The following SEMA6D variants were observed in gnomAD, a reference collection of about 807,000 sequenced individuals.
The protein encoded by SEMA6D is semaphorin 6D, also known as semaphorin-6D.
A neutral mutation model predicts 106.6 loss-of-function variants in SEMA6D; 35 were observed. That is an observed-to-expected ratio of 0.33 (90% CI 0.25 to 0.44). The LOEUF is 0.44. Ranked by LOEUF, SEMA6D falls within the 20% of genes least tolerant of loss-of-function variation. The pLI, the probability that SEMA6D is intolerant of heterozygous loss-of-function variation, is 1.00. For synonymous variants in SEMA6D, 499 were observed against 487.7 expected (o/e 1.02, Z -0.31); for missense variants, 1,185 against 1,345.9 (o/e 0.88, Z 1.87).
chr15:47,592,841 A>G (rs2076464137), intron 3 of SEMA6D, among the ~76,000 whole-genome samples: 2 of 152,212 alleles, frequency 1.3e-5, no homozygotes, highest in Non-Finnish European at 2.9e-5. Flanking sequence ...TGCTTTGCTC[A>G]TTATGAAAAG....
chr15:47,698,404 C>T (rs1211100182), intron 4 of SEMA6D, among the ~76,000 whole-genome samples: 1 of 152,160 alleles, frequency 6.6e-6, no homozygotes, highest in African/African-American at 2.4e-5. Context: ...GCTGCTACTG[C>T]AAAACCTCTG....
At chr15:47,594,538 T>C (rs1354074204) in intron 3 of SEMA6D, among the ~76,000 whole-genome samples, 1 of 152,202 alleles carries the variant, frequency 6.6e-6, no homozygotes, top group Non-Finnish European at 1.5e-5. Flanking sequence ...ACAGCCATTA[T>C]TGGGTACCCA....
At chr15:47,438,692 C>A (rs2041795617) in intron 2 of SEMA6D, among the ~76,000 whole-genome samples, 1 of 151,810 alleles carries the variant, frequency 6.6e-6, no homozygotes, top group South Asian at 2.1e-4. Context: ...TCAGATATCA[C>A]CCTAATGGGC....
chr15:47,497,011 C>G (rs1387299157), intron 3 of SEMA6D, among the ~76,000 whole-genome samples: 1 of 152,082 alleles, frequency 6.6e-6, no homozygotes, highest in African/African-American at 2.4e-5. Context: ...TTAAATACTC[C>G]ATTGTCTCAC....
intron 3 of SEMA6D, among the ~76,000 whole-genome samples, chr15:47,536,639 C>T (rs894608911): frequency 6.6e-6 from 1 of 152,050 alleles, no homozygotes; most frequent in African/African-American, 2.4e-5. Context: ...TTGTCTTTTC[C>T]AGGGTAAATA....
At chr15:47,456,630 GA>G (rs916437271) in intron 2 of SEMA6D, among the ~76,000 whole-genome samples, 48 of 151,920 alleles carry the variant, frequency 3.2e-4, no homozygotes, top group African/African-American at 1.2e-3. Flanking sequence ...AACAAGTAAA[GA>G]AAAAAATAAT....
intron 3 of SEMA6D, among the ~76,000 whole-genome samples, chr15:47,475,215 A>C (rs2042969546): frequency 1.3e-5 from 2 of 152,188 alleles, no homozygotes; most frequent in Admixed American, 6.5e-5. Context: ...AATCATAATC[A>C]TACCAATAGC....
chr15:47,719,122 T>C (rs1316564442), intron 1 of SEMA6D, among the ~76,000 whole-genome samples: 1 of 151,728 alleles, frequency 6.6e-6, no homozygotes, highest in Non-Finnish European at 1.5e-5. Flanking sequence ...AATCCTGAAC[T>C]TGTTAAAAGG....
intron 1 of SEMA6D, among the ~76,000 whole-genome samples, chr15:47,324,190 A>G (rs1159869048): frequency 2.0e-5 from 3 of 152,178 alleles, no homozygotes; most frequent in Non-Finnish European, 4.4e-5. Flanking sequence ...CAATACATCA[A>G]TATATAACAC....
chr15:47,466,476 A>G (rs895271130), intron 2 of SEMA6D, among the ~76,000 whole-genome samples: 2 of 152,120 alleles, frequency 1.3e-5, no homozygotes, highest in East Asian at 3.9e-4. Flanking sequence ...GTTGACACAA[A>G]TGGCTAATTT....
At chr15:47,352,171 T>A (rs2038351533) in intron 1 of SEMA6D, among the ~76,000 whole-genome samples, 1 of 152,160 alleles carries the variant, frequency 6.6e-6, no homozygotes, top group Admixed American at 6.5e-5. Context: ...AAAATGATAT[T>A]TTAGTAATGA....
At chr15:47,727,201 G>T (rs1221662702) in intron 1 of SEMA6D, among the ~76,000 whole-genome samples, 1 of 152,134 alleles carries the variant, frequency 6.6e-6, no homozygotes, top group Non-Finnish European at 1.5e-5. Flanking sequence ...GGCCATCTCT[G>T]TCGTCACGCA....
intron 4 of SEMA6D, among the ~76,000 whole-genome samples, chr15:47,664,627 G>A (rs1183925785): frequency 6.6e-6 from 1 of 152,170 alleles, no homozygotes; most frequent in Non-Finnish European, 1.5e-5. Flanking sequence ...CTCTCCAGAA[G>A]GAATGAGTCC....
At chr15:47,484,784 C>G (rs1311856276) in intron 3 of SEMA6D, among the ~76,000 whole-genome samples, 1 of 152,054 alleles carries the variant, frequency 6.6e-6, no homozygotes, top group African/African-American at 2.4e-5. Flanking sequence ...TTTCTCATTC[C>G]TTAACAATAA....
chr15:47,402,252 A>G lies in SEMA6D; in HGVS notation c.-238-10141A>G, dbSNP rs538985105. ...GCTGGGCAGCACAGTTCTAGAGTCAAAGCTGGAGCAGCCTTTGATTGAAGG... is the reference window on the plus strand; with the variant it reads ...GCTGGGCAGCACAGTTCTAGAGTCAGAGCTGGAGCAGCCTTTGATTGAAGG... On this transcript the variant is annotated intron_variant, in intron 1 of 19. Coordinates refer to the SEMA6D transcript ENST00000558014. Among the ~76,000 whole-genome samples, 4 of 152,366 alleles carry G rather than the reference A, an allele frequency of 2.6e-5. No homozygotes were observed. In the East Asian group the frequency reaches 7.7e-4, roughly 29 times the overall value.
At chr15:47,766,325 C>A in intron 15 of SEMA6D, 143 bp downstream of exon 15, 5 of 714,542 alleles carry the variant, frequency 7.0e-6, no homozygotes, top group Non-Finnish European at 6.9e-6. Flanking sequence ...AACCAGGAGA[C>A]GTGACAAGGA....
At chr15:47,766,505 C>G (rs1464906965) in intron 15 of SEMA6D, 111 bp from the exon 16 acceptor site, 4 of 845,666 alleles carry the variant, frequency 4.7e-6, no homozygotes, top group Non-Finnish European at 7.5e-6. Flanking sequence ...TTTTTTTTCT[C>G]TCTCTGCCCA....
intron 1 of SEMA6D, among the ~76,000 whole-genome samples, chr15:47,381,949 G>A (rs2039653180): frequency 6.6e-6 from 1 of 152,088 alleles, no homozygotes; most frequent in Non-Finnish European, 1.5e-5. Context: ...TTTAGTCTGA[G>A]TCAGAGTCTG....
At chr15:47,209,552 T>G (rs963522449) in intron 1 of SEMA6D, among the ~76,000 whole-genome samples, 2 of 152,228 alleles carry the variant, frequency 1.3e-5, no homozygotes, top group African/African-American at 4.8e-5. Flanking sequence ...TTATATTAAT[T>G]TATTCACTGC....
Sources: gnomAD v4.1 joint callset for allele counts (sites outside exome capture counted in the v4.1 genomes callset) on GRCh38, gnomAD v4.1.1 for gene constraint, MANE v1.5 for transcripts, NCBI Gene and HGNC (gene_info 2026-07-23, HGNC 2026-07-21) for gene names.